PPM1L: variants seen among roughly 807,000 people sequenced by gnomAD.
PPM1L encodes protein phosphatase, Mg2+/Mn2+ dependent 1L, also known as protein phosphatase 1L.
A neutral mutation model predicts 31.4 loss-of-function variants in PPM1L; 13 were observed. The ratio of observed to expected loss-of-function variants is 0.41; its 90% confidence interval spans 0.27 to 0.66. PPM1L has a LOEUF of 0.66. PPM1L is among the 30% of genes least tolerant of loss of function. PPM1L has a pLI of 0.29. For missense variants in PPM1L, 326 were observed against 453.7 expected, an observed-to-expected ratio of 0.72 and a Z score of 2.56; for synonymous variants, 184 against 175.4, an observed-to-expected ratio of 1.05 and a Z score of -0.39.
chr3:160,864,102 C>T (rs1712001337), intron 1 of PPM1L, among the ~76,000 whole-genome samples: 1 of 152,148 alleles, frequency 6.6e-6, no homozygotes, highest in Admixed American at 6.6e-5. Flanking sequence ...GCTGGGGTCT[C>T]ACTGAGTCCT....
At chr3:161,061,872 C>T (rs1220349795) in intron 2 of PPM1L, among the ~76,000 whole-genome samples, 1 of 152,134 alleles carries the variant, frequency 6.6e-6, no homozygotes, top group African/African-American at 2.4e-5. Flanking sequence ...ACAAAAAATT[C>T]AACTCAAAAA....
chr3:160,786,617 CA>C (rs1400572099), intron 1 of PPM1L, among the ~76,000 whole-genome samples: 1 of 145,340 alleles, frequency 6.9e-6, no homozygotes, highest in African/African-American at 2.5e-5. Context: ...ATTTTAGGTT[CA>C]GGGGGTACCT....
At chr3:161,064,376 GA>G (rs11369193) in intron 2 of PPM1L, among the ~76,000 whole-genome samples, 8 of 144,880 alleles carry the variant, frequency 5.5e-5, no homozygotes, top group East Asian at 4.1e-4. Flanking sequence ...CTTAAAAAAA[GA>G]AAAAAAAAAT....
intron 1 of PPM1L, among the ~76,000 whole-genome samples, chr3:160,824,558 C>T (rs1428942418): frequency 2.6e-5 from 4 of 152,164 alleles, no homozygotes; most frequent in African/African-American, 9.6e-5. Context: ...TAAGTCTGAT[C>T]TTTTAACGTG....
intron 1 of PPM1L, among the ~76,000 whole-genome samples, chr3:160,818,075 A>G (rs1365116731): frequency 2.6e-5 from 4 of 152,056 alleles, no homozygotes; most frequent in Non-Finnish European, 5.9e-5. Context: ...GGAAAACCCA[A>G]AAAGTACTAG....
intron 1 of PPM1L, among the ~76,000 whole-genome samples, chr3:160,948,568 T>A (rs1408844801): frequency 6.6e-6 from 1 of 152,146 alleles, no homozygotes; most frequent in Non-Finnish European, 1.5e-5. Flanking sequence ...TTACGCAGCT[T>A]GCTGAGATTT....
At chr3:161,021,905 T>A (rs939397755) in intron 2 of PPM1L, among the ~76,000 whole-genome samples, 1 of 152,080 alleles carries the variant, frequency 6.6e-6, no homozygotes, top group African/African-American at 2.4e-5. Context: ...GGATCTAAAG[T>A]ATTTTCTAGA....
chr3:160,995,405 C>T (rs1271247939), intron 2 of PPM1L, among the ~76,000 whole-genome samples: 2 of 152,100 alleles, frequency 1.3e-5, no homozygotes, highest in Non-Finnish European at 2.9e-5. Context: ...ACTGCAACCT[C>T]CACCTCCCGG....
chr3:160,945,098 T>C (rs1052068241), intron 1 of PPM1L, among the ~76,000 whole-genome samples: 4 of 138,678 alleles, frequency 2.9e-5, no homozygotes, highest in Non-Finnish European at 4.6e-5. Context: ...TAACATGTTA[T>C]ATATAACATA....
At chr3:160,913,517 A>G (rs192889777) in intron 1 of PPM1L, among the ~76,000 whole-genome samples, 39 of 152,262 alleles carry the variant, frequency 2.6e-4, no homozygotes, top group East Asian at 5.8e-4. Context: ...CTAGACTTCA[A>G]TTACTCCAAA....
chr3:160,804,084 A>ATTTTTTTTCTTTT (rs1712523364), intron 1 of PPM1L, among the ~76,000 whole-genome samples: 1 of 147,770 alleles, frequency 6.8e-6, no homozygotes, highest in Non-Finnish European at 1.5e-5. Flanking sequence ...CGCCCAGCTA[A>ATTTTTTTTCTTTT]TTTTTTTTCT....
At chr3:160,976,224 C>T (rs1716567743) in intron 2 of PPM1L, among the ~76,000 whole-genome samples, 1 of 141,646 alleles carries the variant, frequency 7.1e-6, no homozygotes, top group African/African-American at 2.7e-5. Flanking sequence ...GGGATGAAGC[C>T]CACTTGATCA....
intron 1 of PPM1L, among the ~76,000 whole-genome samples, chr3:160,893,333 G>C (rs1382327946): frequency 3.9e-5 from 6 of 152,146 alleles, no homozygotes; most frequent in Non-Finnish European, 8.8e-5. Flanking sequence ...CTCCTGAGAT[G>C]TTTCTAAAAG....
intron 1 of PPM1L, among the ~76,000 whole-genome samples, chr3:160,922,093 G>A (rs12634368): frequency 0.85 from 129,605 of 151,940 alleles, 55,495 homozygotes; most frequent in Middle Eastern, 0.93. Flanking sequence ...GGCAGATCAC[G>A]AGGTCAGGAG....
chr3:160,929,288 CT>C (rs1714704422), intron 1 of PPM1L, among the ~76,000 whole-genome samples: 1 of 152,116 alleles, frequency 6.6e-6, no homozygotes, highest in Admixed American at 6.5e-5. Flanking sequence ...ATTACAATGA[CT>C]TTTAGTTGGA....
chr3:160,788,985 A>G lies in PPM1L; in HGVS notation c.399+32278A>G, dbSNP rs371601392. 1.0e-3 allele frequency among the ~76,000 whole-genome samples: 153 copies of G among 152,018 alleles called. 3 individuals are homozygous for G. The South Asian group carries it at 0.031, about 31-fold the overall frequency. On this transcript the variant is annotated intron_variant, in intron 1 of 3. Transcript: ENST00000498165. Reference sequence around the variant, plus strand: ...TTAATATACTTTATTTTTGTAAGTGACATTTAGAATCAGCTTATCTGGTTG... The same window carrying G: ...TTAATATACTTTATTTTTGTAAGTGGCATTTAGAATCAGCTTATCTGGTTG...
chr3:160,822,163 A>G (rs553401034), intron 1 of PPM1L, among the ~76,000 whole-genome samples: 1 of 152,240 alleles, frequency 6.6e-6, no homozygotes, highest in African/African-American at 2.4e-5. Flanking sequence ...ATTACCCAAC[A>G]TAATTGTCAT....
intron 1 of PPM1L, among the ~76,000 whole-genome samples, chr3:160,801,128 TAC>T (rs10575984): frequency 0.14 from 19,721 of 145,356 alleles, 1,374 homozygotes; most frequent in Middle Eastern, 0.24. Context: ...TGTTTAGTGA[TAC>T]ACACACACAC....
intron 1 of PPM1L, among the ~76,000 whole-genome samples, chr3:160,817,771 G>A (rs1219105325): frequency 3.3e-5 from 5 of 152,042 alleles, no homozygotes; most frequent in African/African-American, 4.8e-5. Flanking sequence ...AGACAGAGAA[G>A]TTGAGAAAGG....
Sources: gnomAD v4.1 joint callset for allele counts (sites outside exome capture counted in the v4.1 genomes callset) on GRCh38, gnomAD v4.1.1 for gene constraint, MANE v1.5 for transcripts, NCBI Gene and HGNC (gene_info 2026-07-23, HGNC 2026-07-21) for gene names.